Variants in GALNTL6 observed in about 807,000 individuals in gnomAD.
GALNTL6 encodes the protein polypeptide N-acetylgalactosaminyltransferase-like 6.
GALNTL6 carries 46 observed loss-of-function variants against 73.7 expected under a neutral mutation model. The observed-to-expected ratio is 0.62, with a 90% CI of 0.49 to 0.80. The LOEUF is 0.80. GALNTL6 is among the 30% of genes least tolerant of loss of function. The probability of loss-of-function intolerance (pLI) is 0.00; values close to 1 mark genes in which losing one functional copy is unlikely to be tolerated. For synonymous variants in GALNTL6, 259 were observed against 263.7 expected, an observed-to-expected ratio of 0.98 and a Z score of 0.17; for missense variants, 604 against 755.0, an observed-to-expected ratio of 0.80 and a Z score of 2.34.
chr4:172,175,486 G>A (rs1012409774), intron 2 of GALNTL6, among the ~76,000 whole-genome samples: 1 of 152,006 alleles, frequency 6.6e-6, no homozygotes, highest in African/African-American at 2.4e-5. Context: ...AGAAAAGAGA[G>A]GCAAAAGGAA....
At chr4:171,840,853 C>G (rs976933584) in intron 2 of GALNTL6, among the ~76,000 whole-genome samples, 10 of 152,066 alleles carry the variant, frequency 6.6e-5, no homozygotes, top group African/African-American at 2.2e-4. Context: ...TTCCTCCTGG[C>G]CCCATTCTCC....
intron 5 of GALNTL6, among the ~76,000 whole-genome samples, chr4:172,436,645 A>AT (rs1299941539): frequency 6.6e-6 from 1 of 152,018 alleles, no homozygotes; most frequent in African/African-American, 2.4e-5. Context: ...ATTCTATGGA[A>AT]TTTTTTCTTC....
At position 172,643,218 on chromosome 4, in the gene GALNTL6, G is replaced by A. The variant is rs567574831; in HGVS notation, c.554-166143G>A. ...TAGATGAGGTCTCTGACAACTGTAC[G>A]TCAAAGGCAAATGAAGATAAAATAC... On this transcript the variant is annotated intron_variant, in intron 5 of 12. Transcript: ENST00000506823. 2.6e-5 allele frequency among the ~76,000 whole-genome samples: 4 copies of A among 151,914 alleles called. No individual in the cohort carries two copies. The East Asian group carries it at 7.8e-4, about 29-fold the overall frequency.
chr4:172,554,168 A>C (rs999982106), intron 5 of GALNTL6, among the ~76,000 whole-genome samples: 9 of 152,196 alleles, frequency 5.9e-5, no homozygotes, highest in Admixed American at 5.2e-4. Context: ...TGTATATTCT[A>C]ACTGACCCAT....
At chr4:172,082,773 A>G (rs997024948) in intron 2 of GALNTL6, among the ~76,000 whole-genome samples, 3 of 152,208 alleles carry the variant, frequency 2.0e-5, no homozygotes, top group Non-Finnish European at 4.4e-5. Context: ...GTGAAGCTCA[A>G]TGAACCTGGA....
chr4:172,501,261 G>C (rs1156637113), intron 5 of GALNTL6, among the ~76,000 whole-genome samples: 1 of 152,144 alleles, frequency 6.6e-6, no homozygotes, highest in Non-Finnish European at 1.5e-5. Flanking sequence ...ACAACTGCAA[G>C]TGAATCTACA....
intron 5 of GALNTL6, among the ~76,000 whole-genome samples, chr4:172,762,656 C>T (rs1738179658): frequency 6.6e-6 from 1 of 151,826 alleles, no homozygotes. Flanking sequence ...CACAGTTATG[C>T]AGCTATATAG....
At chr4:171,872,917 T>A (rs1048906557) in intron 2 of GALNTL6, among the ~76,000 whole-genome samples, 7 of 152,198 alleles carry the variant, frequency 4.6e-5, no homozygotes, top group Non-Finnish European at 1.0e-4. Flanking sequence ...GGCAAGATGA[T>A]TGACATGGAG....
chr4:172,421,245 C>T (rs1315639149), intron 5 of GALNTL6, among the ~76,000 whole-genome samples: 1 of 152,126 alleles, frequency 6.6e-6, no homozygotes, highest in African/African-American at 2.4e-5. Context: ...ATATTGAATA[C>T]ATTTGCCTCT....
At chr4:172,442,738 C>A (rs556637852) in intron 5 of GALNTL6, among the ~76,000 whole-genome samples, 4 of 152,264 alleles carry the variant, frequency 2.6e-5, no homozygotes, top group African/African-American at 9.6e-5. Context: ...AAGTTAAGCA[C>A]TGCACTTGTT....
intron 2 of GALNTL6, among the ~76,000 whole-genome samples, chr4:171,896,662 A>G (rs537251870): frequency 6.6e-6 from 1 of 152,280 alleles, no homozygotes; most frequent in Admixed American, 6.5e-5. Flanking sequence ...TCGTAACACT[A>G]ATCCCATTCA....
chr4:172,021,080 A>C (rs1741383997), intron 2 of GALNTL6, among the ~76,000 whole-genome samples: 1 of 152,054 alleles, frequency 6.6e-6, no homozygotes, highest in African/African-American at 2.4e-5. Flanking sequence ...TGCTAAAAAA[A>C]TTGATAAAAT....
intron 5 of GALNTL6, among the ~76,000 whole-genome samples, chr4:172,458,007 C>T (rs1732462858): frequency 6.6e-6 from 1 of 151,418 alleles, no homozygotes; most frequent in African/African-American, 2.4e-5. Context: ...TCATAACAAT[C>T]ATAACAAACA....
intron 2 of GALNTL6, among the ~76,000 whole-genome samples, chr4:172,156,558 T>TATATAG (rs1734292163): frequency 7.5e-6 from 1 of 132,692 alleles, no homozygotes; most frequent in African/African-American, 3.0e-5. Flanking sequence ...TATATATATA[T>TATATAG]ATATATATAC....
chr4:172,666,169 C>A (rs1731649936), intron 5 of GALNTL6, among the ~76,000 whole-genome samples: 1 of 152,064 alleles, frequency 6.6e-6, no homozygotes, highest in Non-Finnish European at 1.5e-5. Context: ...CTCCAATTTT[C>A]TTGAGCTCTT....
intron 5 of GALNTL6, among the ~76,000 whole-genome samples, chr4:172,731,777 T>G (rs1436141282): frequency 1.3e-5 from 2 of 152,140 alleles, no homozygotes; most frequent in African/African-American, 2.4e-5. Context: ...TAAAATTTCC[T>G]TCTTAATTTT....
At chr4:172,738,039 C>T (rs573950082) in intron 5 of GALNTL6, among the ~76,000 whole-genome samples, 6 of 152,258 alleles carry the variant, frequency 3.9e-5, no homozygotes, top group Non-Finnish European at 7.4e-5. Flanking sequence ...AGATGGTAGT[C>T]CTGCCTACTT....
chr4:172,799,517 A>AT (rs1740484422), intron 5 of GALNTL6, among the ~76,000 whole-genome samples: 5 of 152,284 alleles, frequency 3.3e-5, no homozygotes, highest in Admixed American at 3.3e-4. Context: ...GGGAAGAGTT[A>AT]TTTGGGGGAA....
At chr4:172,088,560 CAA>C (rs1254507724) in intron 2 of GALNTL6, among the ~76,000 whole-genome samples, 1 of 152,008 alleles carries the variant, frequency 6.6e-6, no homozygotes, top group African/African-American at 2.4e-5. Context: ...AATGCTCAGA[CAA>C]TGGTTAATAA....
Sources: gnomAD v4.1 joint callset for allele counts (sites outside exome capture counted in the v4.1 genomes callset) on GRCh38, gnomAD v4.1.1 for gene constraint, MANE v1.5 for transcripts, NCBI Gene and HGNC (gene_info 2026-07-23, HGNC 2026-07-21) for gene names.